SPAG16: variants seen among roughly 807,000 people sequenced by gnomAD.
SPAG16 encodes the protein sperm-associated antigen 16 protein.
A neutral mutation model predicts 80.4 loss-of-function variants in SPAG16; 86 were observed. The ratio of observed to expected loss-of-function variants is 1.07; its 90% CI spans 0.90 to 1.28. The LOEUF is 1.28. Among genes scored for constraint, SPAG16 ranks in the 50% most tolerant of loss-of-function variants. The probability of loss-of-function intolerance (pLI) is 0.00; values close to 1 mark genes in which losing one functional copy is unlikely to be tolerated. For synonymous variants in SPAG16, 294 were observed against 265.9 expected (o/e 1.11, Z -1.03); for missense variants, 870 against 765.3 (o/e 1.14, Z -1.61).
At chr2:213,855,355 G>A (rs1001322032) in intron 10 of SPAG16, among the ~76,000 whole-genome samples, 1 of 152,214 alleles carries the variant, frequency 6.6e-6, no homozygotes, top group African/African-American at 2.4e-5. Flanking sequence ...TCAAGTTCAT[G>A]TATTCTGGCT....
chr2:214,076,845 T>A (rs1028541716), intron 13 of SPAG16, among the ~76,000 whole-genome samples: 2 of 152,148 alleles, frequency 1.3e-5, no homozygotes, highest in African/African-American at 4.8e-5. Context: ...ATAAATTCAC[T>A]TTGGGATATA....
At chr2:213,317,842 G>T in intron 5 of SPAG16, 4 of 520,742 alleles carry the variant, frequency 7.7e-6, no homozygotes, top group Non-Finnish European at 9.9e-6. Flanking sequence ...GTATCCCTCT[G>T]TTGGGGGCTA....
chr2:213,357,702 G>C (rs1575345347), intron 7 of SPAG16, among the ~76,000 whole-genome samples: 1 of 152,104 alleles, frequency 6.6e-6, no homozygotes, highest in Admixed American at 6.6e-5. Flanking sequence ...GGTCTTGACT[G>C]TTAATCCAGT....
chr2:213,549,676 C>T (rs2076727125), intron 10 of SPAG16, among the ~76,000 whole-genome samples: 1 of 152,208 alleles, frequency 6.6e-6, no homozygotes, highest in South Asian at 2.1e-4. Context: ...TTACTACCAA[C>T]TTCAAAAACT....
intron 10 of SPAG16, chr2:213,757,980 T>A (rs529164210): frequency 6.6e-6 from 1 of 152,248 alleles, no homozygotes; most frequent in South Asian, 2.1e-4. Flanking sequence ...ATTTTTCTGT[T>A]TTTCCCCCTT....
rs2047452907 is a variant in SPAG16, at chr2:214,013,966, T to C, written c.1416T>C (p.Cys472=). 3 of 1,613,214 alleles carry C rather than the reference T, an allele frequency of 1.9e-6. No individual in the cohort carries two copies. The highest frequency in any genetic ancestry group is 1.3e-5 in the African/African-American group (1 of 74,910). ...CTCTTTATAGTGAAAGATGCAGATG[T>C]ACTTTGTATGGACATACAGATTCTG... is the stretch of plus-strand genomic sequence containing the variant. ...IWDVNSERCR[C]TLYGHTDSVN... is the part of the protein sequence containing the mutation. The change falls in exon 13 of 16, where the codon TGT becomes TGC. Residue 472 remains cysteine, a synonymous_variant. Transcript: ENST00000331683.
intron 15 of SPAG16, among the ~76,000 whole-genome samples, chr2:214,368,698 G>A (rs1295250080): frequency 6.6e-6 from 1 of 151,974 alleles, no homozygotes; most frequent in Non-Finnish European, 1.5e-5. Context: ...GTAAAAGATG[G>A]TCCATCTACT....
intron 12 of SPAG16, among the ~76,000 whole-genome samples, chr2:213,934,878 C>T (rs2078920769): frequency 6.6e-6 from 1 of 152,028 alleles, no homozygotes; most frequent in African/African-American, 2.4e-5. Flanking sequence ...AGTTAGGCTG[C>T]AACATTCTCT....
intron 15 of SPAG16, among the ~76,000 whole-genome samples, chr2:214,285,245 AC>A (rs1361270696): frequency 1.3e-5 from 2 of 152,070 alleles, no homozygotes; most frequent in African/African-American, 4.8e-5. Flanking sequence ...CTTTTCATCT[AC>A]CTGTTGGCCA....
At chr2:213,492,085 T>G (rs950366301) in intron 10 of SPAG16, among the ~76,000 whole-genome samples, 3 of 152,202 alleles carry the variant, frequency 2.0e-5, no homozygotes, top group Non-Finnish European at 4.4e-5. Flanking sequence ...CTATTTCTTT[T>G]TTTGCTGTGT....
At chr2:214,348,621 C>G (rs996351666) in intron 15 of SPAG16, among the ~76,000 whole-genome samples, 12 of 152,136 alleles carry the variant, frequency 7.9e-5, no homozygotes, top group African/African-American at 2.7e-4. Flanking sequence ...GAAGCAAGTG[C>G]AAGTATCCCA....
chr2:214,401,567 A>G (rs932116622), intron 15 of SPAG16, among the ~76,000 whole-genome samples: 15 of 151,960 alleles, frequency 9.9e-5, no homozygotes, highest in African/African-American at 3.6e-4. Context: ...TTAATCAAAG[A>G]ATGAATAATC....
At chr2:214,187,174 C>T (rs978513912) in intron 15 of SPAG16, among the ~76,000 whole-genome samples, 3 of 152,004 alleles carry the variant, frequency 2.0e-5, no homozygotes, top group Non-Finnish European at 2.9e-5. Context: ...AATAGTTATA[C>T]GTTAAGTGTA....
At position 213,310,132 on chromosome 2, in the gene SPAG16, T is replaced by C; in HGVS notation, c.353T>C (p.Ile118Thr). Residue 118 changes from isoleucine to threonine, a missense_variant, in exon 4 of 16, where the codon ATC becomes ACC. Coordinates refer to ENST00000331683, the MANE Select transcript of SPAG16 (RefSeq NM_024532.5). ...GAAGACTTTCTCTGCAATTTCTTGA[T>C]CAAAATGGGAATGACCAGAACTCTT... ...VIEDFLCNFL[I>T]KMGMTRTLDC... 6.2e-7 allele frequency: 1 copy of C among 1,611,940 alleles called. No individual in the cohort carries two copies. The highest frequency in any genetic ancestry group is 8.5e-7 in the Non-Finnish European group (1 of 1,178,610).
intron 9 of SPAG16, among the ~76,000 whole-genome samples, chr2:213,383,095 T>G (rs578232303): frequency 9.2e-5 from 14 of 152,238 alleles, no homozygotes. Flanking sequence ...CCCCATTATT[T>G]TCTGATTGAA....
chr2:214,221,029 A>G (rs1042153802), intron 15 of SPAG16, among the ~76,000 whole-genome samples: 18 of 152,222 alleles, frequency 1.2e-4, no homozygotes, highest in African/African-American at 4.1e-4. Flanking sequence ...TTTGCTTTTG[A>G]TAATTCTAAC....
chr2:213,739,957 A>G (rs1321806724), intron 10 of SPAG16, among the ~76,000 whole-genome samples: 1 of 152,198 alleles, frequency 6.6e-6, no homozygotes, highest in Non-Finnish European at 1.5e-5. Context: ...GTATTAATAT[A>G]TTTGAATTTC....
chr2:214,250,757 T>TATAGAGAGAGAG (rs1475343777), intron 15 of SPAG16, among the ~76,000 whole-genome samples: 36 of 91,274 alleles, frequency 3.9e-4, no homozygotes, highest in African/African-American at 1.1e-3. Context: ...TATATATATA[T>TATAGAGAGAGAG]AGAGAGAGAG....
chr2:214,382,369 T>C (rs761148575), intron 15 of SPAG16, among the ~76,000 whole-genome samples: 6 of 152,214 alleles, frequency 3.9e-5, no homozygotes, highest in Non-Finnish European at 4.4e-5. Context: ...CTACAACATA[T>C]TTGTTGCAAA....
Sources: allele counts gnomAD v4.1 joint callset (sites outside exome capture counted in the v4.1 genomes callset), GRCh38; gene constraint gnomAD v4.1.1; transcripts MANE v1.5; gene names NCBI Gene and HGNC (gene_info 2026-07-23, HGNC 2026-07-21).